The following SERPINE3 variants were observed in gnomAD, a reference collection of about 807,000 sequenced individuals.
SERPINE3 encodes serpin E3.
SERPINE3 carries 43 observed loss-of-function variants against 41.7 expected under a neutral mutation model. The ratio of observed to expected loss-of-function variants is 1.03; its 90% CI spans 0.81 to 1.33. The LOEUF (loss-of-function observed/expected upper bound fraction) is 1.33. SERPINE3 is among the 40% of genes most tolerant of loss of function. The probability of loss-of-function intolerance (pLI) is 0.00; values close to 1 mark genes in which losing one functional copy is unlikely to be tolerated. For synonymous variants in SERPINE3, 200 were observed against 192.2 expected (o/e 1.04, Z -0.34); for missense variants, 440 against 491.7 (o/e 0.89, Z 0.99).
At chr13:51,355,232 A>T in intron 7 of SERPINE3, 89 bp downstream of exon 7, 17 of 515,118 alleles carry the variant, frequency 3.3e-5, no homozygotes, top group South Asian at 1.1e-4. Context: ...TTTCAGAGTC[A>T]ACATTATGTA....
chr13:51,351,606 C>T (rs1170544225), intron 6 of SERPINE3, among the ~76,000 whole-genome samples: 1 of 151,994 alleles, frequency 6.6e-6, no homozygotes, highest in Non-Finnish European at 1.5e-5. Flanking sequence ...TCAATGGTGT[C>T]CTTTGAAGCA....
At chr13:51,346,080 A>G (rs1955343028) in intron 4 of SERPINE3, among the ~76,000 whole-genome samples, 1 of 152,232 alleles carries the variant, frequency 6.6e-6, no homozygotes, top group Admixed American at 6.5e-5. Context: ...GAATAATAAT[A>G]GAACTGTTAG....
intron 7 of SERPINE3, among the ~76,000 whole-genome samples, chr13:51,357,263 T>C (rs1269812848): frequency 6.6e-6 from 1 of 152,206 alleles, no homozygotes; most frequent in African/African-American, 2.4e-5. Flanking sequence ...CTTAATATTC[T>C]AGAGACAGGG....
rs1955285113 is a variant in SERPINE3, at chr13:51,341,122, T to TTGC, written c.32_33insGCT (p.Phe11delinsLeuLeu). The stretch of plus-strand genomic sequence containing the variant: ...GCCTTTCCTGATCACCCTCTTCCTC[T>TTGC]TTCACTCTTGCTGCCTCCGAGCAAA... On this transcript the variant is annotated protein_altering_variant, in exon 3 of 10. Coordinates refer to ENST00000681248, the MANE Select transcript of SERPINE3 (RefSeq NM_001386375.1). The TTGC allele has an allele frequency of 6.2e-7, 1 of 1,613,878 alleles. No individual in the cohort carries two copies. Among genetic ancestry groups the TTGC allele is most frequent in the Admixed American group, 1.7e-5 (1 of 60,008 alleles).
chr13:51,349,318 G>A (rs1261974018), intron 6 of SERPINE3, among the ~76,000 whole-genome samples: 1 of 152,114 alleles, frequency 6.6e-6, no homozygotes, highest in African/African-American at 2.4e-5. Flanking sequence ...GTAAGTTAAG[G>A]GCCAAGGTCT....
intron 4 of SERPINE3, 88 bp downstream of exon 4, chr13:51,344,573 C>A: frequency 3.0e-6 from 3 of 998,796 alleles, no homozygotes; most frequent in Non-Finnish European, 3.1e-6. Context: ...GGCCATGGTG[C>A]TCAGGCCACC....
intron 9 of SERPINE3, chr13:51,363,248 AACTG>A: frequency 2.0e-5 from 3 of 152,018 alleles, no homozygotes; most frequent in Non-Finnish European, 2.9e-5. Context: ...GAGTTTTCAG[AACTG>A]CCTCAGTAAT....
chr13:51,350,201 G>A (rs1955390846), intron 6 of SERPINE3, among the ~76,000 whole-genome samples: 1 of 152,076 alleles, frequency 6.6e-6, no homozygotes, highest in Non-Finnish European at 1.5e-5. Flanking sequence ...GTGCTTTCAG[G>A]TTAGACATCA....
At chr13:51,354,383 T>A (rs1566194747) in intron 6 of SERPINE3, 2 of 152,210 alleles carry the variant, frequency 1.3e-5, no homozygotes, top group Admixed American at 1.3e-4. Context: ...AGATGAAATG[T>A]CTGATAATCC....
chr13:51,347,286 AG>A, intron 5 of SERPINE3, 52 bp downstream of exon 5: 2 of 1,515,254 alleles, frequency 1.3e-6, no homozygotes, highest in Non-Finnish European at 1.8e-6. Flanking sequence ...CCTGGGCCTG[AG>A]GGCAGGAGAG....
chr13:51,343,161 G>A (rs2137765172), intron 3 of SERPINE3, among the ~76,000 whole-genome samples: 1 of 152,318 alleles, frequency 6.6e-6, no homozygotes, highest in Non-Finnish European at 1.5e-5. Flanking sequence ...CCCCAAGTGA[G>A]TGAGAGTTTC....
intron 6 of SERPINE3, 144 bp from the exon 7 acceptor site, chr13:51,354,899 A>T: frequency 1.6e-6 from 1 of 611,018 alleles, no homozygotes; most frequent in Non-Finnish European, 3.0e-6. Context: ...GGCTTATGGG[A>T]AGGCGCCATG....
intron 7 of SERPINE3, among the ~76,000 whole-genome samples, chr13:51,357,813 C>T (rs1042058208): frequency 1.3e-5 from 2 of 152,104 alleles, no homozygotes; most frequent in African/African-American, 4.8e-5. Context: ...AGACCCATGC[C>T]TCCTAGTCCA....
intron 9 of SERPINE3, 139 bp downstream of exon 9, chr13:51,362,032 C>T (rs1955588294): frequency 6.3e-7 from 1 of 1,599,902 alleles, no homozygotes; most frequent in Admixed American, 1.8e-5. Context: ...TACCCAGTTG[C>T]TATCTTCTAT....
chr13:51,364,271 C>A lies in SERPINE3; in HGVS notation c.1204C>A (p.Pro402Thr), dbSNP rs564736372. 2.7e-6 allele frequency: 4 copies of A among 1,477,682 alleles called. No individual in the cohort carries two copies. Among genetic ancestry groups the A allele is most frequent in the Admixed American group, 4.1e-5 (2 of 49,312 alleles). The allele number at this position is 1,477,682 out of a possible 1,614,324, so 91.5% of individuals were successfully genotyped here. A position where few individuals can be genotyped will look rare whatever the true frequency, so the allele number is the denominator to read the frequency against. ...CTTCAGTATTGGGAGAGTTTCAAAT[C>A]CCCTAGACTAAATGCATGTTCTCCA... ...FVFSIGRVSN[P>T]LD is the part of the protein sequence containing the mutation. Residue 402 changes from proline (P) to threonine (T), a missense_variant, in exon 10 of 10, where the codon CCC becomes ACC. Pro to Thr is a conservative substitution (Grantham distance 38). Coordinates refer to ENST00000681248, the MANE Select transcript of SERPINE3 (RefSeq NM_001386375.1).
At chr13:51,355,951 T>G (rs2137808360) in intron 7 of SERPINE3, among the ~76,000 whole-genome samples, 1 of 152,266 alleles carries the variant, frequency 6.6e-6, no homozygotes, top group Non-Finnish European at 1.5e-5. Context: ...AAATCACTAT[T>G]TTGAATTCTA....
chr13:51,347,405 T>C (rs1955358661), intron 5 of SERPINE3, among the ~76,000 whole-genome samples, 171 bp downstream of exon 5: 1 of 152,100 alleles, frequency 6.6e-6, no homozygotes, highest in Non-Finnish European at 1.5e-5. Context: ...CCGGAGACTT[T>C]AGAGAGGAGT....
At chr13:51,360,266 T>G (rs948732918) in intron 7 of SERPINE3, among the ~76,000 whole-genome samples, 2 of 151,846 alleles carry the variant, frequency 1.3e-5, no homozygotes, top group African/African-American at 4.8e-5. Context: ...TACCTCCCAG[T>G]GGCATGTTGG....
intron 6 of SERPINE3, among the ~76,000 whole-genome samples, chr13:51,352,437 G>A (rs1468731963): frequency 6.6e-6 from 1 of 151,042 alleles, no homozygotes; most frequent in Non-Finnish European, 1.5e-5. Flanking sequence ...CTTGTATGCT[G>A]TACCTTACTG....
Sources: gnomAD v4.1 joint callset for allele counts (sites outside exome capture counted in the v4.1 genomes callset) on GRCh38, gnomAD v4.1.1 for gene constraint, MANE v1.5 for transcripts, NCBI Gene and HGNC (gene_info 2026-07-23, HGNC 2026-07-21) for gene names.